The following DTNA variants were observed in gnomAD, a reference collection of about 807,000 sequenced individuals.
DTNA encodes dystrophin-related protein 3.
Under a neutral mutation model 100.7 loss-of-function variants are expected in DTNA, and 43 were observed. The observed-to-expected ratio is 0.43, with a 90% confidence interval of 0.33 to 0.55. DTNA has a LOEUF of 0.55. DTNA is among the 20% of genes least tolerant of loss of function. DTNA has a pLI of 0.04. For missense variants in DTNA, 798 were observed against 953.9 expected (o/e 0.84, Z 2.15); for synonymous variants, 349 against 347.9 (o/e 1.00, Z -0.04).
intron 1 of DTNA, among the ~76,000 whole-genome samples, chr18:34,751,525 A>C (rs986786446): frequency 1.3e-5 from 2 of 152,182 alleles, no homozygotes; most frequent in Non-Finnish European, 2.9e-5. Flanking sequence ...TTAATCTCTG[A>C]AGTGTCTCCA....
intron 1 of DTNA, among the ~76,000 whole-genome samples, chr18:34,625,143 C>T (rs2057135946): frequency 6.6e-6 from 1 of 151,950 alleles, no homozygotes; most frequent in Admixed American, 6.6e-5. Context: ...CAAGCAGTTC[C>T]CCTGCCTCAG....
chr18:34,801,903 G>A (rs1267177745), intron 4 of DTNA, among the ~76,000 whole-genome samples: 2 of 152,186 alleles, frequency 1.3e-5, no homozygotes, highest in Non-Finnish European at 2.9e-5. Flanking sequence ...TGTACTAGCA[G>A]CCTTAATTCA....
At chr18:34,524,105 C>A (rs532681699) in intron 1 of DTNA, among the ~76,000 whole-genome samples, 2 of 152,040 alleles carry the variant, frequency 1.3e-5, no homozygotes, top group Non-Finnish European at 2.9e-5. Context: ...TTTATAGTTT[C>A]TCTTAGAGAT....
At chr18:34,659,887 G>A (rs2074950702) in intron 1 of DTNA, among the ~76,000 whole-genome samples, 1 of 152,202 alleles carries the variant, frequency 6.6e-6, no homozygotes, top group Non-Finnish European at 1.5e-5. Flanking sequence ...GCTGCCTACG[G>A]CTGCTGAAAA....
chr18:34,499,964 A>G (rs2039714222), intron 1 of DTNA, among the ~76,000 whole-genome samples: 1 of 152,182 alleles, frequency 6.6e-6, no homozygotes, highest in South Asian at 2.1e-4. Context: ...TTACATGTAA[A>G]TAACTATTGA....
intron 4 of DTNA, among the ~76,000 whole-genome samples, chr18:34,802,224 A>G (rs2095240458): frequency 6.6e-6 from 1 of 152,216 alleles, no homozygotes; most frequent in Non-Finnish European, 1.5e-5. Context: ...ACCTCAGCAC[A>G]CACTGGTGGT....
intron 1 of DTNA, among the ~76,000 whole-genome samples, chr18:34,736,819 A>G (rs1176640120): frequency 6.6e-6 from 1 of 152,236 alleles, no homozygotes; most frequent in African/African-American, 2.4e-5. Context: ...TGCAAAATTC[A>G]GTAATGAATT....
At chr18:34,775,111 A>G (rs1215296510) in intron 3 of DTNA, among the ~76,000 whole-genome samples, 1 of 152,264 alleles carries the variant, frequency 6.6e-6, no homozygotes, top group African/African-American at 2.4e-5. Context: ...TGATTAGATT[A>G]TGTTACATTG....
At chr18:34,599,379 C>T (rs147315518) in intron 1 of DTNA, among the ~76,000 whole-genome samples, 1 of 152,250 alleles carries the variant, frequency 6.6e-6, no homozygotes, top group Non-Finnish European at 1.5e-5. Flanking sequence ...GATTTCTAAT[C>T]ATAACTTCCA....
In DTNA at chr18:34,860,988, T is replaced by C. The variant is rs374150533; in HGVS notation, c.1646+2590T>C. Among the ~76,000 whole-genome samples the C allele has an allele frequency of 1.6e-3, 242 of 152,322 alleles. 3 individuals are homozygous for C. The highest frequency in any genetic ancestry group is 5.5e-3 in the African/African-American group (227 of 41,564). On this transcript the variant is annotated intron_variant, in intron 16 of 22. Transcript: ENST00000444659. ...CTTAGTGTATATATTTATGTACTTA[T>C]ATATGATTTATAAGGAGAAATTTTT...
At chr18:34,642,705 C>T (rs958987666) in intron 1 of DTNA, among the ~76,000 whole-genome samples, 36 of 151,964 alleles carry the variant, frequency 2.4e-4, no homozygotes, top group African/African-American at 7.0e-4. Flanking sequence ...ATTATGGTCA[C>T]GCACCACCAC....
intron 1 of DTNA, among the ~76,000 whole-genome samples, chr18:34,710,659 AGTGTGTGTGTGTGGGAGTGTGTGTGT>A (rs2082713330): frequency 6.9e-6 from 1 of 145,852 alleles, no homozygotes; most frequent in Non-Finnish European, 1.5e-5. Context: ...GTTTTATGGC[AGTGTGTGTGTGTGGGAGTGTGTGTGT>A]GTGTGTGTGT....
intron 4 of DTNA, among the ~76,000 whole-genome samples, chr18:34,801,711 A>G (rs995669292): frequency 6.6e-6 from 1 of 151,844 alleles, no homozygotes; most frequent in Non-Finnish European, 1.5e-5. Flanking sequence ...GGTTTTCACC[A>G]TGTTGGCCAG....
chr18:34,694,255 A>G (rs1167028852), intron 1 of DTNA, among the ~76,000 whole-genome samples: 22 of 152,182 alleles, frequency 1.4e-4, no homozygotes, highest in Admixed American at 1.4e-3. Flanking sequence ...TTTCATAAGT[A>G]TGATTTTTAA....
intron 1 of DTNA, among the ~76,000 whole-genome samples, chr18:34,641,890 T>G (rs1403393332): frequency 6.6e-6 from 1 of 152,192 alleles, no homozygotes; most frequent in African/African-American, 2.4e-5. Context: ...GTGCTGACTT[T>G]CATGTATGCC....
intron 1 of DTNA, among the ~76,000 whole-genome samples, chr18:34,553,848 TTGGTGATGCGGG>T (rs2045726045): frequency 6.6e-6 from 1 of 152,172 alleles, no homozygotes; most frequent in Non-Finnish European, 1.5e-5. Context: ...TAGGATTGCC[TTGGTGATGCGGG>T]CTCTTTTTTT....
chr18:34,771,911 G>A (rs1388020803), intron 3 of DTNA, among the ~76,000 whole-genome samples: 1 of 151,468 alleles, frequency 6.6e-6, no homozygotes. Context: ...TCCTTGGTCA[G>A]CATTGACGTG....
At chr18:34,569,910 A>C (rs1035609038) in intron 1 of DTNA, among the ~76,000 whole-genome samples, 1 of 151,168 alleles carries the variant, frequency 6.6e-6, no homozygotes, top group Non-Finnish European at 1.5e-5. Context: ...CACACACACA[A>C]AATAATAATA....
At chr18:34,516,619 CT>C (rs1294379617) in intron 1 of DTNA, among the ~76,000 whole-genome samples, 1 of 152,156 alleles carries the variant, frequency 6.6e-6, no homozygotes, top group African/African-American at 2.4e-5. Context: ...GGAACGCATT[CT>C]CTTTCTCAGG....
Sources: gnomAD v4.1 joint callset for allele counts (sites outside exome capture counted in the v4.1 genomes callset) on GRCh38, gnomAD v4.1.1 for gene constraint, MANE v1.5 for transcripts, NCBI Gene and HGNC (gene_info 2026-07-23, HGNC 2026-07-21) for gene names.